Variants in ZNF248 observed in about 807,000 individuals in gnomAD.
The protein encoded by ZNF248 is zinc finger protein 248.
Under a neutral mutation model 44.3 loss-of-function variants are expected in ZNF248, and 20 were observed. The observed-to-expected ratio is 0.45, with a 90% CI of 0.32 to 0.66. The LOEUF (loss-of-function observed/expected upper bound fraction) is 0.66. Among genes scored for constraint, ZNF248 ranks in the 30% least tolerant of loss-of-function variants. The pLI, the probability that ZNF248 is intolerant of heterozygous loss-of-function variation, is 0.04. For missense variants in ZNF248, 654 were observed against 677.0 expected (o/e 0.97, Z 0.38); for synonymous variants, 224 against 229.0 (o/e 0.98, Z 0.20).
chr10:37,854,904 A>T (rs2061005217), intron 3 of ZNF248, among the ~76,000 whole-genome samples: 1 of 152,242 alleles, frequency 6.6e-6, no homozygotes, highest in African/African-American at 2.4e-5. Context: ...AATAGTGTGT[A>T]AGTCAACCAT....
chr10:37,777,114 T>G (rs779656968), intron 6 of ZNF248, among the ~76,000 whole-genome samples: 3 of 152,150 alleles, frequency 2.0e-5, no homozygotes, highest in Non-Finnish European at 4.4e-5. Flanking sequence ...GGGCTTACTC[T>G]GATTGAGAGC....
At chr10:37,778,158 T>C (rs950264674) in intron 6 of ZNF248, among the ~76,000 whole-genome samples, 2 of 152,186 alleles carry the variant, frequency 1.3e-5, no homozygotes, top group Non-Finnish European at 1.5e-5. Context: ...ACCAACAGTG[T>C]AAAAGTGTTC....
chr10:37,759,365 A>T, the ZNF248 span, among the ~76,000 whole-genome samples: 6 of 152,362 alleles, frequency 3.9e-5, no homozygotes, highest in African/African-American at 1.2e-4. Context: ...CATGCAGTTC[A>T]CATATGAACA....
intron 6 of ZNF248, chr10:37,819,491 T>C: frequency 7.3e-7 from 1 of 1,360,756 alleles, no homozygotes; most frequent in Non-Finnish European, 1.1e-6. Context: ...AAATGCCTTG[T>C]AAACTTTACT....
chr10:37,765,787 C>T, the ZNF248 span, among the ~76,000 whole-genome samples: 8 of 152,314 alleles, frequency 5.3e-5, no homozygotes, highest in South Asian at 2.1e-4. Context: ...GCACACCATG[C>T]GTGAGCTGAA....
chr10:37,797,348 C>A (rs1053421648), intron 6 of ZNF248, among the ~76,000 whole-genome samples: 2 of 151,040 alleles, frequency 1.3e-5, no homozygotes, highest in Non-Finnish European at 2.9e-5. Flanking sequence ...CTTTAAAACC[C>A]CTTGAGGAAA....
At chr10:37,767,419 A>G in the ZNF248 span, among the ~76,000 whole-genome samples, 1 of 152,328 alleles carries the variant, frequency 6.6e-6, no homozygotes, top group South Asian at 2.1e-4. Flanking sequence ...GACTAACAGC[A>G]GATCTCTTGG....
chr10:37,845,397 T>C (rs1224079321), intron 3 of ZNF248, among the ~76,000 whole-genome samples: 6 of 141,204 alleles, frequency 4.2e-5, no homozygotes, highest in Admixed American at 7.0e-5. Context: ...AAAAAAAAAC[T>C]CATGAAAAAA....
chr10:37,838,233 A>AT (rs2057635172), intron 3 of ZNF248, 122 bp from the exon 4 acceptor site: 1 of 804,698 alleles, frequency 1.2e-6, no homozygotes, highest in South Asian at 2.3e-5. Context: ...CTGTGCTGCT[A>AT]TACTATACAG....
At chr10:37,856,633 G>GAA (rs34033199) in intron 1 of ZNF248, 101 bp from the exon 2 acceptor site, 25,984 of 855,388 alleles carry the variant, frequency 0.03, 1 homozygote, top group Non-Finnish European at 0.033. Flanking sequence ...TCCTTGTAGG[G>GAA]AAAAAAAAAA....
At chr10:37,808,166 A>AT (rs1393928442) in intron 6 of ZNF248, among the ~76,000 whole-genome samples, 2 of 151,978 alleles carry the variant, frequency 1.3e-5, no homozygotes, top group African/African-American at 4.8e-5. Flanking sequence ...GGTGGCTTTC[A>AT]TATGTTGAGT....
intron 3 of ZNF248, among the ~76,000 whole-genome samples, chr10:37,848,626 A>T (rs535266469): frequency 6.6e-6 from 1 of 151,920 alleles, no homozygotes; most frequent in Non-Finnish European, 1.5e-5. Context: ...GGAGCCCCTC[A>T]GCAGAAGAAA....
At chr10:37,805,971 GTATC>G (rs2050499884) in intron 6 of ZNF248, among the ~76,000 whole-genome samples, 1 of 152,136 alleles carries the variant, frequency 6.6e-6, no homozygotes, top group African/African-American at 2.4e-5. Flanking sequence ...AAGCATTTGA[GTATC>G]TGTTTTCATT....
At chr10:37,822,103 G>A (rs969446978) in intron 6 of ZNF248, among the ~76,000 whole-genome samples, 12 of 152,164 alleles carry the variant, frequency 7.9e-5, no homozygotes, top group Non-Finnish European at 1.8e-4. Context: ...AGTGTCCCAT[G>A]AGCCACTGTA....
chr10:37,830,457 G>A lies in ZNF248; in HGVS notation c.*1158C>T. The A allele has an allele frequency of 2.0e-6, 2 of 985,346 alleles. No individual in the cohort carries two copies. Among genetic ancestry groups the A allele is most frequent in the Non-Finnish European group, 2.4e-6 (2 of 829,906 alleles). 61.0% of individuals were successfully genotyped at this position (985,346 alleles called of 1,614,324 possible). A position where few individuals can be genotyped will look rare whatever the true frequency, so the allele number is the denominator to read the frequency against. ...GAGACTCCGGTAGTATTTAGAGTAG[G>A]ACAGATTCAGAGGTAGTTAAAAACC... On this transcript the variant is annotated 3_prime_UTR_variant, in exon 6 of 6. Transcript: ENST00000395867.
intron 6 of ZNF248, chr10:37,819,966 T>A: frequency 1.3e-6 from 1 of 767,638 alleles, no homozygotes; most frequent in Non-Finnish European, 2.4e-6. Context: ...AGCGGCCCCA[T>A]CTCAAGCGGT....
At chr10:37,802,040 T>C (rs1315392776) in intron 6 of ZNF248, among the ~76,000 whole-genome samples, 3 of 152,230 alleles carry the variant, frequency 2.0e-5, no homozygotes, top group South Asian at 4.1e-4. Context: ...TGGGACATTA[T>C]AGGACCTGCA....
At chr10:37,819,083 T>C (rs1188969598) in intron 6 of ZNF248, 7 of 791,820 alleles carry the variant, frequency 8.8e-6, no homozygotes, top group East Asian at 7.4e-5. Context: ...AAGACCAAGC[T>C]CTGTAATTTT....
chr10:37,806,259 T>C (rs1441056031), intron 6 of ZNF248, among the ~76,000 whole-genome samples: 2 of 152,236 alleles, frequency 1.3e-5, no homozygotes, highest in Admixed American at 6.5e-5. Context: ...TAATTCTAAT[T>C]TTATGAGCAA....
Sources: gnomAD v4.1 joint callset for allele counts (sites outside exome capture counted in the v4.1 genomes callset) on GRCh38, gnomAD v4.1.1 for gene constraint, MANE v1.5 for transcripts, NCBI Gene and HGNC (gene_info 2026-07-23, HGNC 2026-07-21) for gene names.